Variants in ADGRG2 observed in about 807,000 individuals in gnomAD.
ADGRG2 encodes adhesion G protein-coupled receptor G2, also known as G protein-coupled receptor 64.
ADGRG2 carries 26 observed loss-of-function variants against 74.1 expected under a neutral mutation model. The ratio of observed to expected loss-of-function variants is 0.35; its 90% CI spans 0.26 to 0.49. The LOEUF (loss-of-function observed/expected upper bound fraction) is 0.49. Ranked by LOEUF, ADGRG2 falls within the 20% of genes least tolerant of loss-of-function variation. The pLI, the probability that ADGRG2 is intolerant of heterozygous loss-of-function variation, is 0.99. For synonymous variants in ADGRG2, 296 were observed against 295.2 expected (o/e 1.00, Z -0.03); for missense variants, 619 against 763.1 (o/e 0.81, Z 2.22).
At chrX:19,084,296 C>T (rs955452000) in intron 1 of ADGRG2, among the ~76,000 whole-genome samples, 1 of 103,566 alleles carries the variant, frequency 9.7e-6, no homozygotes, top group African/African-American at 3.5e-5. Flanking sequence ...TGGAGGGGAA[C>T]AACATACACT....
chrX:19,037,790 G>A (rs2060973484), intron 4 of ADGRG2, among the ~76,000 whole-genome samples, 154 bp from the exon 5 acceptor site: 1 of 111,883 alleles, frequency 8.9e-6, no homozygotes, highest in Admixed American at 9.5e-5. Context: ...TAAGCGCTCA[G>A]TGAGTATAAA....
At chrX:19,029,824 C>T (rs2060788427) in intron 9 of ADGRG2, among the ~76,000 whole-genome samples, 1 of 110,175 alleles carries the variant, frequency 9.1e-6, no homozygotes. Context: ...ATGGGGAATT[C>T]GGTGAACGGA....
chrX:19,119,352 A>G (rs1304938829), intron 1 of ADGRG2, among the ~76,000 whole-genome samples: 1 of 112,041 alleles, frequency 8.9e-6, no homozygotes, highest in Non-Finnish European at 1.9e-5. Flanking sequence ...ACCACCTCAC[A>G]CCACAATCCC....
chrX:19,047,866 G>C (rs2061226180), intron 3 of ADGRG2, among the ~76,000 whole-genome samples: 1 of 111,213 alleles, frequency 9.0e-6, no homozygotes, highest in African/African-American at 3.3e-5. Flanking sequence ...TTCTAATTTG[G>C]CATATCCAAA....
intron 3 of ADGRG2, among the ~76,000 whole-genome samples, chrX:19,041,141 C>T (rs922695655): frequency 8.9e-6 from 1 of 111,752 alleles, no homozygotes; most frequent in African/African-American, 3.2e-5. Flanking sequence ...CAATTTTCCA[C>T]AACACCATCT....
chrX:19,074,562 CTTTTTT>C (rs1212446647), intron 2 of ADGRG2, among the ~76,000 whole-genome samples: 3 of 67,193 alleles, frequency 4.5e-5, no homozygotes, highest in South Asian at 8.0e-4. Context: ...TCTTCTTCTT[CTTTTTT>C]TTTTTTTTTT....
chrX:19,105,066 T>C (rs1425754890), intron 1 of ADGRG2, among the ~76,000 whole-genome samples: 1 of 110,960 alleles, frequency 9.0e-6, no homozygotes, highest in Non-Finnish European at 1.9e-5. Flanking sequence ...AAACCCCGTC[T>C]CTACTAAAAA....
At chrX:19,116,232 C>T (rs896456287) in intron 1 of ADGRG2, among the ~76,000 whole-genome samples, 4 of 108,882 alleles carry the variant, frequency 3.7e-5, no homozygotes, top group Non-Finnish European at 5.7e-5. Flanking sequence ...AAAAAAAGTC[C>T]GGGCGCAGTG....
intron 2 of ADGRG2, among the ~76,000 whole-genome samples, chrX:19,074,672 C>A (rs1333751840): frequency 9.7e-6 from 1 of 103,248 alleles, no homozygotes; most frequent in Non-Finnish European, 2.0e-5. Flanking sequence ...CAGGTTCAAG[C>A]GATTCTCCTG....
intron 19 of ADGRG2, 92 bp downstream of exon 19, chrX:19,007,887 CG>C: frequency 2.7e-6 from 2 of 751,908 alleles, no homozygotes; most frequent in Non-Finnish European, 3.9e-6. Flanking sequence ...ATTTGACTTA[CG>C]GCAGCCTTAA....
At chrX:19,107,540 C>T (rs186545242) in intron 1 of ADGRG2, among the ~76,000 whole-genome samples, 86 of 110,917 alleles carry the variant, frequency 7.8e-4, no homozygotes, top group Middle Eastern at 4.7e-3. Context: ...GGAATCAGTG[C>T]TGAATAAGCC....
rs2060256465 is a variant in ADGRG2 at position 19,007,306 on chromosome X, C to T, written c.1618G>A (p.Val540Ile). The part of the protein sequence containing the change: ...SLISYVISSS[V>I]ANLTVRNLTR... ...AAGTTCCTGACGGTCAGGTTTGCAA[C>T]ACTCGATGATATGACGTAGCTGATC... is the stretch of plus-strand genomic sequence containing the variant. Residue 540 changes from valine to isoleucine, a missense_variant, in exon 20 of 29, where the codon GTT becomes ATT. By Grantham distance (29) the Val-to-Ile change is conservative. Around this residue, in one of 3 missense-constraint regions of ADGRG2, gnomAD observed 221 missense variants for 340.6 expected, o/e 0.65. Coordinates refer to ENST00000379869, the MANE Select transcript of ADGRG2 (RefSeq NM_001079858.3). 3.0e-5 allele frequency: 36 copies of T among 1,207,046 alleles called. 1 individual carries two copies. In the Middle Eastern group the frequency reaches 7.1e-3, roughly 240 times the overall value.
intron 1 of ADGRG2, among the ~76,000 whole-genome samples, chrX:19,107,644 T>TG (rs2062329394): frequency 1.9e-5 from 2 of 107,724 alleles, no homozygotes; most frequent in East Asian, 5.7e-4. Flanking sequence ...TTTGTTTTTT[T>TG]TTTTTTTTTC....
intron 1 of ADGRG2, among the ~76,000 whole-genome samples, chrX:19,099,559 G>A (rs950992734): frequency 8.9e-6 from 1 of 112,267 alleles, no homozygotes; most frequent in Non-Finnish European, 1.9e-5. Context: ...CTTGCCTGAT[G>A]TCACAAAGGT....
At chrX:19,089,763 G>T (rs1466299328) in intron 1 of ADGRG2, among the ~76,000 whole-genome samples, 1 of 111,611 alleles carries the variant, frequency 9.0e-6, no homozygotes, top group East Asian at 2.8e-4. Flanking sequence ...CAACCCCCAG[G>T]CAAAGGGTCA....
Position 18,996,057 on chromosome X carries a change from T to G in ADGRG2, c.2710A>C (p.Asn904His). 1 of 1,103,911 alleles carries G rather than the reference T, an allele frequency of 9.1e-7. No individual in the cohort carries two copies. The highest frequency in any genetic ancestry group is 3.0e-5 in the East Asian group (1 of 33,249). 91.0% of individuals were successfully genotyped at this position (1,103,911 alleles called of 1,213,427 possible). A position where few individuals can be genotyped will look rare whatever the true frequency, so the allele number is the denominator to read the frequency against. Residue 904 changes from asparagine (N) to histidine (H), a missense_variant, in exon 27 of 29, where the codon AAT (asparagine) becomes CAT (histidine). Physicochemically the swap from Asn to His is moderately conservative, Grantham distance 68 (BLOSUM62 1). This residue lies in a region of ADGRG2 where 106 missense variants were observed against 104.5 expected (regional missense o/e 1.01). Transcript: ENST00000379869. Reference protein sequence around the residue: ...LCCGKLRLAENSDWSKTATNG... With the variant: ...LCCGKLRLAEHSDWSKTATNG... The stretch of plus-strand genomic sequence containing the variant: ...AAGTGAGGTAAATCTTTACCAGAAT[T>G]TTCAGCCAGCCGTAACTTTCCACAA...
rs190431183 is a variant in ADGRG2 at position 19,100,350 on chromosome X, C to T, written c.-46-17604G>A. The stretch of plus-strand genomic sequence containing the variant: ...TAGGCTTTGCAGCCAAAATGGTCTC[C>T]ATTGCAATGACTGAACTCTGCTGTT... On this transcript the variant is annotated intron_variant, in intron 1 of 28. Coordinates refer to ENST00000379869, the MANE Select transcript of ADGRG2 (RefSeq NM_001079858.3). Among the ~76,000 whole-genome samples, 5 of 113,331 alleles carry T rather than the reference C, an allele frequency of 4.4e-5. No homozygotes were observed. In the East Asian group the frequency reaches 1.4e-3, roughly 31 times the overall value.
At chrX:19,084,859 C>T (rs747456779) in intron 1 of ADGRG2, among the ~76,000 whole-genome samples, 1 of 112,239 alleles carries the variant, frequency 8.9e-6, no homozygotes, top group African/African-American at 3.2e-5. Flanking sequence ...AGCAACATGA[C>T]ATTTGTTTTT....
At chrX:19,018,332 A>G (rs779977566) in intron 15 of ADGRG2, among the ~76,000 whole-genome samples, 1 of 108,833 alleles carries the variant, frequency 9.2e-6, no homozygotes, top group East Asian at 2.9e-4. Context: ...GATCTCACCC[A>G]GGCTGATCTT....
Sources: allele counts gnomAD v4.1 joint callset (sites outside exome capture counted in the v4.1 genomes callset), GRCh38; gene constraint gnomAD v4.1.1; regional missense constraint gnomAD v4.1.1; transcripts MANE v1.5; gene names NCBI Gene and HGNC (gene_info 2026-07-23, HGNC 2026-07-21).